Variants in GALNT18 observed in about 807,000 individuals in gnomAD.
GALNT18 encodes polypeptide N-acetylgalactosaminyltransferase 18, also known as GalNAc-transferase 18.
GALNT18 carries 44 observed loss-of-function variants against 69.5 expected under a neutral mutation model. The observed-to-expected ratio is 0.63, with a 90% confidence interval of 0.50 to 0.81. The LOEUF (loss-of-function observed/expected upper bound fraction) is 0.81. Among genes scored for constraint, GALNT18 ranks in the 40% least tolerant of loss-of-function variants. The pLI is 0.00. For synonymous variants in GALNT18, 364 were observed against 318.2 expected, an observed-to-expected ratio of 1.14 and a Z score of -1.53; for missense variants, 715 against 810.0, an observed-to-expected ratio of 0.88 and a Z score of 1.42.
At chr11:11,589,419 C>T (rs978830396) in intron 1 of GALNT18, among the ~76,000 whole-genome samples, 6 of 152,118 alleles carry the variant, frequency 3.9e-5, no homozygotes, top group African/African-American at 1.4e-4. Flanking sequence ...GCCCACATTC[C>T]AAGAGCATCT....
At chr11:11,531,493 C>A (rs1373701320) in intron 1 of GALNT18, among the ~76,000 whole-genome samples, 1 of 152,238 alleles carries the variant, frequency 6.6e-6, no homozygotes, top group Admixed American at 6.5e-5. Flanking sequence ...CTGCCAGGCT[C>A]TGTGCCCGGG....
At position 11,547,666 on chromosome 11, in the gene GALNT18, T is replaced by A. The variant is rs574695570; in HGVS notation, c.235+73693A>T. Among the ~76,000 whole-genome samples, 8 of 152,350 alleles carry A rather than the reference T, an allele frequency of 5.3e-5. No homozygotes were observed. The East Asian group carries it at 1.5e-3, about 29-fold the overall frequency. On this transcript the variant is annotated intron_variant, in intron 1 of 10. Coordinates refer to ENST00000227756, the MANE Select transcript of GALNT18 (RefSeq NM_198516.3). ...GCCCCTGCTCGAGACCCTGCTACCA[T>A]GAATCTTAGGGTTCTAAGCCATCTC...
At chr11:11,437,314 C>T (rs1443452022) in intron 2 of GALNT18, among the ~76,000 whole-genome samples, 1 of 152,118 alleles carries the variant, frequency 6.6e-6, no homozygotes, top group Non-Finnish European at 1.5e-5. Flanking sequence ...AAAGCTGAGC[C>T]ATTTTCCACT....
intron 9 of GALNT18, among the ~76,000 whole-genome samples, chr11:11,312,692 A>G (rs1279181970): frequency 6.6e-6 from 1 of 152,224 alleles, no homozygotes; most frequent in African/African-American, 2.4e-5. Flanking sequence ...TACAGAAGAA[A>G]AAACAGGCTT....
intron 10 of GALNT18, among the ~76,000 whole-genome samples, chr11:11,285,494 C>T (rs1849176031): frequency 6.6e-6 from 1 of 152,108 alleles, no homozygotes; most frequent in Non-Finnish European, 1.5e-5. Flanking sequence ...ACACCTAGTC[C>T]CGGTCCCTGA....
At chr11:11,449,741 G>A (rs987898887) in intron 1 of GALNT18, among the ~76,000 whole-genome samples, 1 of 152,202 alleles carries the variant, frequency 6.6e-6, no homozygotes, top group African/African-American at 2.4e-5. Context: ...CCACGTCCTG[G>A]CTACATGACC....
intron 1 of GALNT18, among the ~76,000 whole-genome samples, chr11:11,474,887 A>G (rs1368206317): frequency 6.6e-6 from 1 of 152,238 alleles, no homozygotes; most frequent in Non-Finnish European, 1.5e-5. Flanking sequence ...CATGAGAGAC[A>G]GTGTTGACTC....
chr11:11,321,279 T>C (rs1287254378), intron 9 of GALNT18, among the ~76,000 whole-genome samples: 1 of 152,234 alleles, frequency 6.6e-6, no homozygotes, highest in East Asian at 1.9e-4. Context: ...GAACCATCCT[T>C]ACCTTTGGGT....
In GALNT18 at chr11:11,538,690, C is replaced by T. The variant is rs1857840618; in HGVS notation, c.235+82669G>A. Among the ~76,000 whole-genome samples the T allele has an allele frequency of 6.6e-6, 1 of 152,146 alleles. No individual in the cohort carries two copies. The highest frequency in any genetic ancestry group is 2.1e-4 in the South Asian group (1 of 4,824). Reference sequence around the variant, plus strand: ...CCTCCCGGAGCTCTGGTTTCCCAGTCAGTAAATGGGGACCTTAACAGGGCC... The same window carrying T: ...CCTCCCGGAGCTCTGGTTTCCCAGTTAGTAAATGGGGACCTTAACAGGGCC... On this transcript the variant is annotated intron_variant, in intron 1 of 10. Coordinates refer to ENST00000227756, the MANE Select transcript of GALNT18 (RefSeq NM_198516.3). This position sits in a 1 kb window ranked among gnomAD's most constrained non-coding sequence, Gnocchi z 5.2.
chr11:11,601,625 G>T lies in GALNT18; in HGVS notation c.235+19734C>A, dbSNP rs1859636774. On this transcript the variant is annotated intron_variant, in intron 1 of 10. Coordinates refer to ENST00000227756, the MANE Select transcript of GALNT18 (RefSeq NM_198516.3). This position sits in a 1 kb window ranked among gnomAD's most constrained non-coding sequence, Gnocchi z 4.0. Reference sequence around the variant, plus strand: ...TGATCCAATTAAATTTGGGTTTGGGGGTTCTTTTGGCAGGGATTTTCTTTG... The same window carrying T: ...TGATCCAATTAAATTTGGGTTTGGGTGTTCTTTTGGCAGGGATTTTCTTTG... 1.3e-5 allele frequency among the ~76,000 whole-genome samples: 2 copies of T among 152,098 alleles called. No individual in the cohort carries two copies. Among genetic ancestry groups the T allele is most frequent in the Admixed American group, 6.5e-5 (1 of 15,274 alleles).
chr11:11,423,625 G>A (rs751739795), intron 3 of GALNT18, among the ~76,000 whole-genome samples: 1 of 152,176 alleles, frequency 6.6e-6, no homozygotes, highest in Non-Finnish European at 1.5e-5. Flanking sequence ...TGGTCCTGCT[G>A]CCCAACATCT....
rs746054446 is a variant in GALNT18, at chr11:11,404,649, C to A, written c.596-25385G>T. ...AATTCCTCTCAAGCTTTACTGCCCG[C>A]AGCCATATTCTCATTCAAATGGGAC... On this transcript the variant is annotated intron_variant, in intron 3 of 10. Coordinates refer to ENST00000227756, the MANE Select transcript of GALNT18 (RefSeq NM_198516.3). The surrounding 1 kb of genome is among the most constrained non-coding windows in gnomAD (Gnocchi z 4.5). Among the ~76,000 whole-genome samples the A allele has an allele frequency of 3.9e-5, 6 of 152,178 alleles. No individual in the cohort carries two copies. The highest frequency in any genetic ancestry group is 8.8e-5 in the Non-Finnish European group (6 of 68,036).
chr11:11,458,085 C>T (rs1855962824), intron 1 of GALNT18, among the ~76,000 whole-genome samples: 1 of 152,144 alleles, frequency 6.6e-6, no homozygotes, highest in Non-Finnish European at 1.5e-5. Flanking sequence ...TCCCAGAGTG[C>T]ACTGGGGACC....
chr11:11,458,921 C>G (rs1855981086), intron 1 of GALNT18, among the ~76,000 whole-genome samples: 1 of 152,218 alleles, frequency 6.6e-6, no homozygotes, highest in East Asian at 1.9e-4. Flanking sequence ...ATCTCCAACA[C>G]TGGGCAAACC....
Position 11,341,170 on chromosome 11 carries a change from T to C in GALNT18, c.1093-166A>G, listed in dbSNP as rs867574644. On this transcript the variant is annotated intron_variant, in intron 6 of 10. Coordinates refer to ENST00000227756, the MANE Select transcript of GALNT18 (RefSeq NM_198516.3). The surrounding 1 kb of genome is among the most constrained non-coding windows in gnomAD (Gnocchi z 6.3). ...AGGCCATACCTGATTTCTGCTCCTA[T>C]AGCAGCAGGATGGCTATGGAGTCAT... Among the ~76,000 whole-genome samples, 1 of 152,204 alleles carries C rather than the reference T, an allele frequency of 6.6e-6. No individual in the cohort carries two copies. Among genetic ancestry groups the C allele is most frequent in the Non-Finnish European group, 1.5e-5 (1 of 68,030 alleles).
At chr11:11,544,135 G>A (rs771014755) in intron 1 of GALNT18, among the ~76,000 whole-genome samples, 3 of 152,238 alleles carry the variant, frequency 2.0e-5, no homozygotes, top group Non-Finnish European at 4.4e-5. Context: ...AGGTGTGGGA[G>A]ATCTGGTCCC....
At chr11:11,291,119 G>A (rs1370542900) in intron 10 of GALNT18, among the ~76,000 whole-genome samples, 1 of 152,212 alleles carries the variant, frequency 6.6e-6, no homozygotes, top group African/African-American at 2.4e-5. Context: ...CCCCTGAGCT[G>A]GAAATCTGGC....
rs186612793 is a variant in GALNT18 at position 11,334,974 on chromosome 11, C to T, written c.1279-2143G>A. Reference sequence around the variant, plus strand: ...TCATTAAGTATTAACCCTTCACACTCCATGGTACTTTATCCTTATATCAGA... The same window carrying T: ...TCATTAAGTATTAACCCTTCACACTTCATGGTACTTTATCCTTATATCAGA... On this transcript the variant is annotated intron_variant, in intron 7 of 10. Transcript: ENST00000227756. Among the ~76,000 whole-genome samples, 151 of 152,312 alleles carry T rather than the reference C, an allele frequency of 9.9e-4. 2 individuals are homozygous for T. The highest frequency in any genetic ancestry group is 3.3e-3 in the African/African-American group (138 of 41,566).
intron 6 of GALNT18, among the ~76,000 whole-genome samples, chr11:11,345,815 G>A (rs1004233263): frequency 6.6e-6 from 1 of 152,150 alleles, no homozygotes; most frequent in Non-Finnish European, 1.5e-5. Flanking sequence ...AGAGAAGGCA[G>A]GTGTGGTCGC....
Sources: allele counts gnomAD v4.1 joint callset (sites outside exome capture counted in the v4.1 genomes callset), GRCh38; gene constraint gnomAD v4.1.1; non-coding constraint Gnocchi (gnomAD v3.1); transcripts MANE v1.5; gene names NCBI Gene and HGNC (gene_info 2026-07-23, HGNC 2026-07-21).